The following GLB1L3 variants were observed in gnomAD, a reference collection of about 807,000 sequenced individuals.
GLB1L3 encodes the protein beta-galactosidase-1-like protein 3.
GLB1L3 carries 89 observed loss-of-function variants against 89.5 expected under a neutral mutation model. The observed-to-expected ratio is 0.99, with a 90% CI of 0.84 to 1.19. The LOEUF (loss-of-function observed/expected upper bound fraction) is 1.19. GLB1L3 is among the 50% of genes most tolerant of loss of function. GLB1L3 has a pLI of 0.00. For synonymous variants in GLB1L3, 314 were observed against 312.3 expected, an observed-to-expected ratio of 1.01 and a Z score of -0.06; for missense variants, 812 against 813.3, an observed-to-expected ratio of 1.00 and a Z score of 0.02.
intron 6 of GLB1L3, among the ~76,000 whole-genome samples, chr11:134,287,884 C>T (rs1176474263): frequency 2.6e-5 from 4 of 152,176 alleles, no homozygotes. Context: ...TCCTTAGTGC[C>T]CTCAGAGCCA....
At chr11:134,284,975 C>T (rs567788514) in intron 6 of GLB1L3, among the ~76,000 whole-genome samples, 1 of 131,086 alleles carries the variant, frequency 7.6e-6, no homozygotes, top group Non-Finnish European at 1.6e-5. Flanking sequence ...GTTGCCCAGG[C>T]TGGAGTGCAG....
At chr11:134,284,104 T>C (rs138481495) in intron 6 of GLB1L3, among the ~76,000 whole-genome samples, 68 of 152,288 alleles carry the variant, frequency 4.5e-4, no homozygotes, top group Non-Finnish European at 7.3e-4. Context: ...GAACTTACTA[T>C]TCCTCAAGCT....
chr11:134,279,123 TA>T lies in GLB1L3; in HGVS notation c.362+1214del, dbSNP rs1191658201. On this transcript the variant is annotated intron_variant, in intron 3 of 19. Coordinates refer to ENST00000431683, the MANE Select transcript of GLB1L3 (RefSeq NM_001080407.3). Reference sequence around the variant, plus strand: ...TCTTATAATAAGCTCATAAAGTGAGTAAATCTTCTTTTCTTACTTATTGGAA... The same window carrying T: ...TCTTATAATAAGCTCATAAAGTGAGTAATCTTCTTTTCTTACTTATTGGAA... 1.3e-5 allele frequency among the ~76,000 whole-genome samples: 2 copies of T among 152,314 alleles called. 1 individual carries two copies. Among genetic ancestry groups the T allele is most frequent in the South Asian group, 4.1e-4 (2 of 4,824 alleles).
chr11:134,307,341 C>T (rs1156478418), intron 10 of GLB1L3, 133 bp downstream of exon 10: 1 of 657,492 alleles, frequency 1.5e-6, no homozygotes, highest in Non-Finnish European at 2.7e-6. Flanking sequence ...CATACAAGCA[C>T]TCAGCCAGGC....
At chr11:134,285,299 A>G (rs976378654) in intron 6 of GLB1L3, among the ~76,000 whole-genome samples, 1 of 152,210 alleles carries the variant, frequency 6.6e-6, no homozygotes, top group South Asian at 2.1e-4. Flanking sequence ...TACCATGGCA[A>G]CCTAGAGCAC....
intron 6 of GLB1L3, chr11:134,287,472 A>T (rs1252881368): frequency 6.6e-6 from 1 of 152,214 alleles, no homozygotes; most frequent in South Asian, 2.1e-4. Context: ...AGAGTGCATT[A>T]CTGGTTTACT....
At chr11:134,316,410 C>T (rs969199979) in intron 18 of GLB1L3, among the ~76,000 whole-genome samples, 1 of 151,920 alleles carries the variant, frequency 6.6e-6, no homozygotes, top group East Asian at 1.9e-4. Context: ...GTAAGACAAG[C>T]GATGTCTATA....
intron 9 of GLB1L3, among the ~76,000 whole-genome samples, chr11:134,302,371 T>A (rs1941988223): frequency 6.6e-6 from 1 of 152,192 alleles, no homozygotes; most frequent in Admixed American, 6.5e-5. Context: ...ATTATAGAGG[T>A]TATATTTAAC....
At chr11:134,285,908 G>GT (rs1162065552) in intron 6 of GLB1L3, among the ~76,000 whole-genome samples, 24,123 of 130,046 alleles carry the variant, frequency 0.19, 2,585 homozygotes, top group South Asian at 0.31. Flanking sequence ...TGTGAGTTCT[G>GT]TTTTTTTTTT....
At chr11:134,310,409 T>G (rs983024895) in intron 11 of GLB1L3, 162 bp from the exon 12 acceptor site, 10 of 600,780 alleles carry the variant, frequency 1.7e-5, no homozygotes, top group Non-Finnish European at 3.0e-5. Flanking sequence ...CAGGAAGAGT[T>G]GTGGGGAATG....
chr11:134,276,131 G>A (rs2443558), upstream of GLB1L3: 76,599 of 152,348 alleles, frequency 0.5, 19,307 homozygotes, highest in Non-Finnish European at 0.54. Flanking sequence ...TCTGCTGTGA[G>A]GCTGTGCTCG....
At chr11:134,287,618 C>G (rs1458157995) in intron 6 of GLB1L3, among the ~76,000 whole-genome samples, 1 of 152,258 alleles carries the variant, frequency 6.6e-6, no homozygotes, top group Non-Finnish European at 1.5e-5. Flanking sequence ...GTTTTCAACT[C>G]ACTCGCTGAG....
At chr11:134,293,808 C>T (rs747877180) in intron 9 of GLB1L3, among the ~76,000 whole-genome samples, 5 of 152,128 alleles carry the variant, frequency 3.3e-5, no homozygotes, top group Non-Finnish European at 7.4e-5. Flanking sequence ...GGCCTGGTCA[C>T]AGTCTCCTCT....
In GLB1L3 at chr11:134,277,563, C is replaced by T. The variant is rs1275016764; in HGVS notation, c.149+112C>T. On this transcript the variant is annotated intron_variant, in intron 2 of 19. Transcript: ENST00000431683. ...ACGTCCTACTAACATATGCACAGAA[C>T]ACGTCCTACTAACATATGCACAGAA... 3.5e-5 allele frequency: 53 copies of T among 1,522,106 alleles called. No individual in the cohort carries two copies. In the Middle Eastern group the frequency reaches 6.9e-4, roughly 20 times the overall value. The allele number at this position is 1,522,106 out of a possible 1,614,324, so 94.3% of individuals were successfully genotyped here.
chr11:134,292,942 G>A (rs1591551773), intron 8 of GLB1L3: 1 of 622,678 alleles, frequency 1.6e-6, no homozygotes, highest in East Asian at 2.7e-5. Flanking sequence ...TTTCAACAGT[G>A]GGTGTCCTCG....
chr11:134,307,052 T>C (rs2136194175), intron 9 of GLB1L3, 72 bp from the exon 10 acceptor site: 2 of 1,038,120 alleles, frequency 1.9e-6, no homozygotes, highest in Non-Finnish European at 2.9e-6. Flanking sequence ...TTCCCATCTA[T>C]TGCATTCAGG....
At chr11:134,289,047 A>G (rs1423288503) in intron 7 of GLB1L3, 157 bp downstream of exon 7, 1 of 552,540 alleles carries the variant, frequency 1.8e-6, no homozygotes, top group African/African-American at 1.9e-5. Context: ...CCCACTGCAT[A>G]GCTGAAAATT....
At chr11:134,299,300 T>C (rs1146192) in intron 9 of GLB1L3, among the ~76,000 whole-genome samples, 25,866 of 152,094 alleles carry the variant, frequency 0.17, 2,740 homozygotes, top group Non-Finnish European at 0.23. Context: ...CTGTGTCTTA[T>C]CTGTTTCTGA....
intron 10 of GLB1L3, among the ~76,000 whole-genome samples, chr11:134,308,374 CCACCATCACCACCATCACCACCAT>C (rs1942418627): frequency 1.1e-4 from 5 of 44,188 alleles, no homozygotes; most frequent in African/African-American, 2.3e-4. Flanking sequence ...ACCACCACCA[CCACCATCACCACCATCACCACCAT>C]CACCATCACC....
Sources: allele counts gnomAD v4.1 joint callset (sites outside exome capture counted in the v4.1 genomes callset), GRCh38; gene constraint gnomAD v4.1.1; transcripts MANE v1.5; gene names NCBI Gene and HGNC (gene_info 2026-07-23, HGNC 2026-07-21).